Variants in PGBD5 observed in about 807,000 individuals in gnomAD.
PGBD5 encodes piggyBac transposable element-derived protein 5.
Under a neutral mutation model 47.9 loss-of-function variants are expected in PGBD5, and 14 were observed. The observed-to-expected ratio is 0.29, with a 90% CI of 0.19 to 0.46. The LOEUF (loss-of-function observed/expected upper bound fraction) is 0.46. Among genes scored for constraint, PGBD5 ranks in the 20% least tolerant of loss-of-function variants. PGBD5 has a pLI of 1.00. For synonymous variants in PGBD5, 316 were observed against 306.3 expected (o/e 1.03, Z -0.33); for missense variants, 635 against 716.0 (o/e 0.89, Z 1.29).
chr1:230,375,236 G>C (rs1049956306), intron 1 of PGBD5, among the ~76,000 whole-genome samples: 15 of 152,222 alleles, frequency 9.9e-5, no homozygotes, highest in African/African-American at 3.6e-4. Flanking sequence ...TAACACGGTA[G>C]TCAAACACTT....
intron 1 of PGBD5, among the ~76,000 whole-genome samples, chr1:230,367,758 A>G (rs1173902814): frequency 1.3e-5 from 2 of 152,146 alleles, no homozygotes; most frequent in Non-Finnish European, 2.9e-5. Flanking sequence ...ATACTCCAAC[A>G]ATGTCCTTGA....
At chr1:230,367,144 T>C (rs964489306) in intron 1 of PGBD5, among the ~76,000 whole-genome samples, 1 of 152,062 alleles carries the variant, frequency 6.6e-6, no homozygotes, top group African/African-American at 2.4e-5. Flanking sequence ...AGCTACACCC[T>C]CTGTAGCTCT....
intron 1 of PGBD5, among the ~76,000 whole-genome samples, chr1:230,419,452 T>G (rs1210309646): frequency 6.6e-6 from 1 of 152,248 alleles, no homozygotes; most frequent in East Asian, 1.9e-4. Flanking sequence ...ACCCATTAGG[T>G]ACTCTGCTCA....
intron 1 of PGBD5, among the ~76,000 whole-genome samples, chr1:230,363,224 T>C (rs2102710984): frequency 6.6e-6 from 1 of 152,248 alleles, no homozygotes; most frequent in East Asian, 1.9e-4. Flanking sequence ...TTCATTCAGA[T>C]CTGGAGGCCA....
chr1:230,337,872 G>A (rs188200425), intron 3 of PGBD5, among the ~76,000 whole-genome samples: 5 of 152,242 alleles, frequency 3.3e-5, no homozygotes, highest in East Asian at 1.9e-4. Flanking sequence ...TTTAAACGTC[G>A]TTTCATGCTG....
In PGBD5 at chr1:230,355,779, C is replaced by T. The variant is rs986187369; in HGVS notation, c.759+1115G>A. Among the ~76,000 whole-genome samples the T allele has an allele frequency of 4.6e-5, 7 of 152,168 alleles. No individual in the cohort carries two copies. In the East Asian group the frequency reaches 5.8e-4, roughly 13 times the overall value. The stretch of plus-strand genomic sequence containing the variant: ...CATTTGCAAGGCAGAGAGAAGAAGG[C>T]GGCGTTCCAAGGGCCAGAAGGCACG... On this transcript the variant is annotated intron_variant, in intron 2 of 6. Transcript: ENST00000391860.
chr1:230,358,387 G>A (rs376021531), intron 1 of PGBD5, among the ~76,000 whole-genome samples: 43 of 152,280 alleles, frequency 2.8e-4, no homozygotes, highest in African/African-American at 9.9e-4. Flanking sequence ...AGGCGGTTTT[G>A]TAAGTAAAAC....
Position 230,332,834 on chromosome 1 carries a change from C to G in PGBD5, c.1273+10G>C, listed in dbSNP as rs1667242701. ...GCGCCCCACTGTGTCAATGGCGGACCCGCACTCACCCTGCTGCACCGGGGA... is the reference window on the plus strand; with the variant it reads ...GCGCCCCACTGTGTCAATGGCGGACGCGCACTCACCCTGCTGCACCGGGGA... On this transcript the variant is annotated intron_variant, in intron 5 of 6. Transcript: ENST00000391860. The G allele has an allele frequency of 6.2e-7, 1 of 1,614,110 alleles. No individual in the cohort carries two copies. The highest frequency in any genetic ancestry group is 2.2e-5 in the East Asian group (1 of 44,868).
intron 2 of PGBD5, among the ~76,000 whole-genome samples, chr1:230,352,538 A>C (rs1247592370): frequency 6.6e-6 from 1 of 152,158 alleles, no homozygotes; most frequent in African/African-American, 2.4e-5. Context: ...CCGTGCATTC[A>C]ATTTTCGAAA....
intron 1 of PGBD5, among the ~76,000 whole-genome samples, chr1:230,410,222 C>T (rs768681849): frequency 2.5e-4 from 38 of 151,986 alleles, no homozygotes; most frequent in Non-Finnish European, 4.0e-4. Context: ...AAAAGGTAGA[C>T]GTATGTGTGC....
chr1:230,345,730 A>C (rs1667464848), intron 3 of PGBD5, among the ~76,000 whole-genome samples: 1 of 152,134 alleles, frequency 6.6e-6, no homozygotes, highest in Non-Finnish European at 1.5e-5. Context: ...GCTCCCAGTC[A>C]GCCAGGCGAT....
intron 1 of PGBD5, among the ~76,000 whole-genome samples, chr1:230,422,855 T>A (rs1276664520): frequency 6.6e-6 from 1 of 151,238 alleles, no homozygotes; most frequent in East Asian, 2.0e-4. Context: ...GCTTCCTCCC[T>A]CTCCCAGCTG....
Position 230,337,212 on chromosome 1 carries a change from ATGC to A in PGBD5, c.968_970del (p.Ser323del). On this transcript the variant is annotated inframe_deletion, in exon 4 of 7. Coordinates refer to ENST00000391860, the MANE Select transcript of PGBD5 (RefSeq NM_001258311.2). ...GTTCCGGCACAGGCTCCTGGCCACC[ATGC>A]TGTGGAGCTGGGGCTTATTCTTCAG... 1 of 1,614,186 alleles carries A rather than the reference ATGC, an allele frequency of 6.2e-7. No homozygotes were observed. Among genetic ancestry groups the A allele is most frequent in the Non-Finnish European group, 8.5e-7 (1 of 1,180,042 alleles).
intron 1 of PGBD5, among the ~76,000 whole-genome samples, chr1:230,376,066 CCT>C (rs1668009250): frequency 6.6e-6 from 1 of 151,570 alleles, no homozygotes; most frequent in African/African-American, 2.4e-5. Flanking sequence ...CATCCCACAG[CCT>C]CTTTGTTTGA....
In PGBD5 at chr1:230,425,526, C is replaced by T. The variant is rs1254235032; in HGVS notation, c.331+72G>A. ...CCACGGAGAGTCTGGACTCGCCCGC[C>T]CCAGCACCCACGCCTCCCCCGCGCC... On this transcript the variant is annotated intron_variant, in intron 1 of 6. Transcript: ENST00000391860. This position sits in a 1 kb window ranked among gnomAD's most constrained non-coding sequence, Gnocchi z 4.7. The T allele has an allele frequency of 8.9e-7, 1 of 1,124,830 alleles. No homozygotes were observed. Among genetic ancestry groups the T allele is most frequent in the Non-Finnish European group, 1.1e-6 (1 of 897,092 alleles). 69.7% of individuals were successfully genotyped at this position (1,124,830 alleles called of 1,614,324 possible).
intron 2 of PGBD5, among the ~76,000 whole-genome samples, chr1:230,352,823 G>A (rs903012935): frequency 2.6e-5 from 4 of 152,168 alleles, no homozygotes; most frequent in Admixed American, 2.6e-4. Context: ...GGAGGGGATG[G>A]AGAAGGGAAA....
rs1266256365 is a variant in PGBD5, at chr1:230,323,204, G to A, written c.*221C>T. ...GGGTGTAAGTGCTCATCACACCGGC[G>A]GCACTGTTTCTCGAGGGAGGACATG... On this transcript the variant is annotated 3_prime_UTR_variant, in exon 7 of 7. Transcript: ENST00000391860. The surrounding 1 kb of genome is among the most constrained non-coding windows in gnomAD (Gnocchi z 4.1). The A allele has an allele frequency of 5.3e-6, 3 of 563,942 alleles. No homozygotes were observed. The highest frequency in any genetic ancestry group is 2.3e-5 in the South Asian group (1 of 42,936). The allele number at this position is 563,942 out of a possible 1,614,324, so 34.9% of individuals were successfully genotyped here. A position where few individuals can be genotyped will look rare whatever the true frequency, so the allele number is the denominator to read the frequency against.
Position 230,342,459 on chromosome 1 carries a change from C to A in PGBD5, c.895-5171G>T, listed in dbSNP as rs576731660. 3.8e-4 allele frequency among the ~76,000 whole-genome samples: 58 copies of A among 152,322 alleles called. 1 individual carries two copies. The South Asian group carries it at 0.012, about 32-fold the overall frequency. Reference sequence around the variant, plus strand: ...GGTGAAAGTAATTCAGCTGTGGAAACAGCACAGCAGTGCACGATCTGCACT... The same window carrying A: ...GGTGAAAGTAATTCAGCTGTGGAAAAAGCACAGCAGTGCACGATCTGCACT... On this transcript the variant is annotated intron_variant, in intron 3 of 6. Transcript: ENST00000391860.
At chr1:230,328,529 A>G (rs1667160009) in intron 5 of PGBD5, among the ~76,000 whole-genome samples, 1 of 152,172 alleles carries the variant, frequency 6.6e-6, no homozygotes, top group African/African-American at 2.4e-5. Context: ...GACTGAGTGA[A>G]TCACTGAGAA....
Sources: gnomAD v4.1 joint callset for allele counts (sites outside exome capture counted in the v4.1 genomes callset) on GRCh38, gnomAD v4.1.1 for gene constraint, Gnocchi (gnomAD v3.1) non-coding constraint, MANE v1.5 for transcripts, NCBI Gene and HGNC (gene_info 2026-07-23, HGNC 2026-07-21) for gene names.